QRICH2: variants seen among roughly 807,000 people sequenced by gnomAD.
QRICH2 encodes glutamine rich 2.
QRICH2 carries 119 observed loss-of-function variants against 168.3 expected under a neutral mutation model. That is an observed-to-expected ratio of 0.71 (90% CI 0.61 to 0.82). QRICH2 has a LOEUF of 0.82. Ranked by LOEUF, QRICH2 falls within the 40% of genes least tolerant of loss-of-function variation. QRICH2 has a pLI of 0.00. For synonymous variants in QRICH2, 894 were observed against 951.2 expected (o/e 0.94, Z 1.11); for missense variants, 2,241 against 2,491.6 (o/e 0.90, Z 2.14).
chr17:76,290,848 C>A (rs1247242719), intron 4 of QRICH2, among the ~76,000 whole-genome samples, 167 bp downstream of exon 4: 1 of 152,160 alleles, frequency 6.6e-6, no homozygotes, highest in Admixed American at 6.6e-5. Flanking sequence ...TTTGCCCACC[C>A]ATTTTTTTGG....
At position 76,275,861 on chromosome 17, in the gene QRICH2, A is replaced by C. The variant is rs772995903; in HGVS notation, c.5440T>G (p.Ser1814Ala). The change falls in exon 18 of 19, where the codon TCT becomes GCT. Residue 1814 changes from serine (S) to alanine (A), a missense_variant. This residue lies in a region of QRICH2 where 189 missense variants were observed against 169.3 expected (regional missense o/e 1.12). Transcript: ENST00000680821. ...GAAATCTGGGCGCTCTGTGGCCGAG[A>C]GGGCAGCTGGCCATTGCTGCTGAGG... ...PSLSSNGQLPSRPQSAQISAG... is the reference protein window; with the variant it reads ...PSLSSNGQLPARPQSAQISAG... The C allele has an allele frequency of 6.2e-7, 1 of 1,608,048 alleles. No homozygotes were observed. The highest frequency in any genetic ancestry group is 8.5e-7 in the Non-Finnish European group (1 of 1,179,920).
intron 3 of QRICH2, among the ~76,000 whole-genome samples, chr17:76,294,377 C>T (rs769982160): frequency 4.0e-5 from 6 of 151,632 alleles, no homozygotes; most frequent in Non-Finnish European, 7.4e-5. Context: ...TGAGATTGTG[C>T]CATTGTGCTC....
In QRICH2 at chr17:76,292,719, T is replaced by C. The variant is rs1243472065; in HGVS notation, c.2008A>G (p.Met670Val). The change falls in exon 4 of 19, where the codon ATG (methionine) becomes GTG (valine). Residue 670 changes from methionine to valine, a missense_variant. Met to Val is a conservative substitution (Grantham distance 21, BLOSUM62 1). This residue lies in a region of QRICH2 where 2,047 missense variants were observed against 2,303.8 expected (regional missense o/e 0.89). Transcript: ENST00000680821. ...CGCTGAAATCTGCCAGGTTGGACCA[T>C]GCCAGGCTGATCTACACCAGGCTGT... ...LVQPGVDQPG[M>V]VQPGRFQRAL... is the part of the protein sequence containing the mutation. 1 of 1,560,342 alleles carries C rather than the reference T, an allele frequency of 6.4e-7. No homozygotes were observed. Among genetic ancestry groups the C allele is most frequent in the Admixed American group, 1.8e-5 (1 of 54,256 alleles).
Position 76,308,179 on chromosome 17 carries a change from G to A in QRICH2, c.-181C>T, listed in dbSNP as rs960479286. On this transcript the variant is annotated 5_prime_UTR_variant, in exon 1 of 19. Coordinates refer to ENST00000680821, the MANE Select transcript of QRICH2 (RefSeq NM_001388453.1). ...CAGGGAATCTGCGCCTCCGCTCCCC[G>A]GCGGGGTCCGCGATGGCCACCCCTC... The A allele has an allele frequency of 4.1e-6, 4 of 985,420 alleles. No homozygotes were observed. Among genetic ancestry groups the A allele is most frequent in the Admixed American group, 6.1e-5 (1 of 16,292 alleles). 61.0% of individuals were successfully genotyped at this position (985,420 alleles called of 1,614,324 possible). A position where few individuals can be genotyped will look rare whatever the true frequency, so the allele number is the denominator to read the frequency against.
Position 76,291,409 on chromosome 17 carries a change from A to C in QRICH2, c.3318T>G (p.His1106Gln). Residue 1106 changes from histidine (H) to glutamine (Q), a missense_variant, in exon 4 of 19, where the codon CAT becomes CAG. Transcript: ENST00000680821. ...HGHAFSLFDS[H>Q]DSMYPGYRGP... Reference sequence around the variant, plus strand: ...CACGATAACCAGGATACATTGAATCATGACTGTCAAAGAGAGAGAAAGCAT... The same window carrying C: ...CACGATAACCAGGATACATTGAATCCTGACTGTCAAAGAGAGAGAAAGCAT... The C allele has an allele frequency of 6.2e-7, 1 of 1,614,098 alleles. No homozygotes were observed. The highest frequency in any genetic ancestry group is 8.5e-7 in the Non-Finnish European group (1 of 1,180,010).
intron 13 of QRICH2, 109 bp downstream of exon 13, chr17:76,279,254 G>A: frequency 7.5e-7 from 1 of 1,334,012 alleles, no homozygotes; most frequent in Non-Finnish European, 1.1e-6. Context: ...AGGGAGCGAG[G>A]GCTGGAAGCA....
Position 76,274,080 on chromosome 17 carries a change from C to A in QRICH2, c.5663G>T (p.Ter1888LeuextTer4). The change falls in exon 19 of 19, where the codon TGA (stop) becomes TTA (leucine). Residue 1888 changes from the stop codon to leucine, a stop_lost. Coordinates refer to ENST00000680821, the MANE Select transcript of QRICH2 (RefSeq NM_001388453.1). ...TRGPRSSTAQ[*>L] is the part of the protein sequence containing the mutation. The stretch of plus-strand genomic sequence containing the variant: ...CTGAATGTTTATTTACACCTCCGCT[C>A]ACTGAGCGGTGCTGGACCGCGGCCC... The A allele has an allele frequency of 6.5e-7, 1 of 1,549,484 alleles. No homozygotes were observed. Among genetic ancestry groups the A allele is most frequent in the Admixed American group, 2.1e-5 (1 of 47,864 alleles).
chr17:76,280,557 A>G lies in QRICH2; in HGVS notation c.4461+97T>C. On this transcript the variant is annotated intron_variant, in intron 10 of 18. Coordinates refer to ENST00000680821, the MANE Select transcript of QRICH2 (RefSeq NM_001388453.1). This position sits in a 1 kb window ranked among gnomAD's most constrained non-coding sequence, Gnocchi z 7.4. ...TCACCAGGCAGGTTTCTGAGAGCCCACACTCGTCTCGCCAGCTCCCCTCCA... is the reference window on the plus strand; with the variant it reads ...TCACCAGGCAGGTTTCTGAGAGCCCGCACTCGTCTCGCCAGCTCCCCTCCA... 6.3e-7 allele frequency: 1 copy of G among 1,594,916 alleles called. No individual in the cohort carries two copies. The highest frequency in any genetic ancestry group is 2.2e-5 in the East Asian group (1 of 44,746).
chr17:76,277,135 C>T, intron 16 of QRICH2, 28 bp downstream of exon 16: 1 of 1,524,526 alleles, frequency 6.6e-7, no homozygotes, highest in Non-Finnish European at 8.8e-7. Context: ...GGGCCTCCCT[C>T]CCTGGTGGCT....
rs771282472 is a variant in QRICH2 at position 76,292,395 on chromosome 17, G to C, written c.2332C>G (p.Gln778Glu). The change falls in exon 4 of 19, where the codon CAG (glutamine) becomes GAG (glutamate). Residue 778 changes from glutamine to glutamate, a missense_variant. Physicochemically the swap from Gln to Glu is conservative, Grantham distance 29 (BLOSUM62 2). Around this residue, in one of 3 missense-constraint regions of QRICH2, gnomAD observed 2,047 missense variants for 2,303.8 expected, o/e 0.89. Coordinates refer to ENST00000680821, the MANE Select transcript of QRICH2 (RefSeq NM_001388453.1). ...QHGLVQPGVD[Q>E]HGLAQPGEVQ... is the part of the protein sequence containing the mutation. ...TCACCAGGTTGTGCCAAACCATGCT[G>C]ATCCACTCCAGGTTGGACCAAACCA... 6.2e-7 allele frequency: 1 copy of C among 1,611,846 alleles called. No homozygotes were observed.
At position 76,293,880 on chromosome 17, in the gene QRICH2, G is replaced by T. The variant is rs536269106; in HGVS notation, c.847C>A (p.Arg283=). ...GTGCCACCAGATCCTGATGCAGTCC[G>T]ATCCGGGCCAAGACCACTGGCAGAA... The part of the protein sequence containing the change: ...LDSASGLGPD[R]TASGSGGTAH... Residue 283 remains arginine, a synonymous_variant, in exon 4 of 19, where the codon CGG becomes AGG. Coordinates refer to ENST00000680821, the MANE Select transcript of QRICH2 (RefSeq NM_001388453.1). The T allele has an allele frequency of 1.9e-5, 30 of 1,614,136 alleles. No individual in the cohort carries two copies. The African/African-American group carries it at 4.0e-4, about 22-fold the overall frequency.
In QRICH2 at chr17:76,307,430, A is replaced by C; in HGVS notation, c.534+35T>G. 1 of 1,610,946 alleles carries C rather than the reference A, an allele frequency of 6.2e-7. No individual in the cohort carries two copies. Among genetic ancestry groups the C allele is most frequent in the Non-Finnish European group, 8.5e-7 (1 of 1,177,918 alleles). Reference sequence around the variant, plus strand: ...GCCTGGAGGGCGGCCTGGAGGAGGCAGACGGCCTGCGCGTGCCTCCGTGTG... The same window carrying C: ...GCCTGGAGGGCGGCCTGGAGGAGGCCGACGGCCTGCGCGTGCCTCCGTGTG... On this transcript the variant is annotated intron_variant, in intron 1 of 18. Transcript: ENST00000680821. This position sits in a 1 kb window ranked among gnomAD's most constrained non-coding sequence, Gnocchi z 5.3.
upstream of QRICH2, chr17:76,308,629 T>C (rs1219403800): frequency 1.2e-5 from 4 of 343,258 alleles, no homozygotes; most frequent in Non-Finnish European, 1.2e-5. Context: ...GTCCACATAT[T>C]TTGTTCAATC....
In QRICH2 at chr17:76,278,091, A is replaced by G. The variant is rs1201979066; in HGVS notation, c.5015T>C (p.Ile1672Thr). 1.2e-6 allele frequency: 2 copies of G among 1,613,880 alleles called. No homozygotes were observed. The highest frequency in any genetic ancestry group is 1.7e-5 in the Admixed American group (1 of 60,030). The change falls in exon 15 of 19, where the codon ATT becomes ACT. Residue 1672 changes from isoleucine (I) to threonine (T), a missense_variant. Ile to Thr is a moderately conservative substitution (Grantham distance 89). Around this residue, in one of 3 missense-constraint regions of QRICH2, gnomAD observed 2,047 missense variants for 2,303.8 expected, o/e 0.89. Coordinates refer to ENST00000680821, the MANE Select transcript of QRICH2 (RefSeq NM_001388453.1). ...CCCGAAGTGGATCTGCACCTTCTCAATGTTCATCAGCATCTTGGAGTGCAT... is the reference window on the plus strand; with the variant it reads ...CCCGAAGTGGATCTGCACCTTCTCAGTGTTCATCAGCATCTTGGAGTGCAT... ...RSMHSKMLMNIEKVQIHFGGS... is the reference protein window; with the variant it reads ...RSMHSKMLMNTEKVQIHFGGS...
rs2071009194 is a variant in QRICH2 at position 76,307,521 on chromosome 17, T to C, written c.478A>G (p.Arg160Gly). The C allele has an allele frequency of 3.1e-6, 5 of 1,611,904 alleles. No homozygotes were observed. In the South Asian group the frequency reaches 5.5e-5, roughly 18 times the overall value. ...EQEVGVRAFDRVRTGSIMKDA... is the reference protein window; with the variant it reads ...EQEVGVRAFDGVRTGSIMKDA... ...TTCATGATACTCCCAGTCCGCACCC[T>C]ATCGAACGCCCGCACGCCCACCTCC... The change falls in exon 1 of 19, where the codon AGG (arginine) becomes GGG (glycine). Residue 160 changes from arginine to glycine, a missense_variant. Physicochemically the swap from Arg to Gly is moderately radical, Grantham distance 125. Around this residue, in one of 3 missense-constraint regions of QRICH2, gnomAD observed 2,047 missense variants for 2,303.8 expected, o/e 0.89. Transcript: ENST00000680821. This position sits in a 1 kb window ranked among gnomAD's most constrained non-coding sequence, Gnocchi z 5.3.
intron 3 of QRICH2, chr17:76,301,626 A>C (rs2070900672): frequency 6.5e-6 from 1 of 154,574 alleles, no homozygotes; most frequent in African/African-American, 2.4e-5. Flanking sequence ...TAAGATGGAC[A>C]TCCTGCCCCG....
intron 3 of QRICH2, among the ~76,000 whole-genome samples, chr17:76,302,101 G>A (rs1053300527): frequency 6.6e-6 from 1 of 152,074 alleles, no homozygotes; most frequent in Non-Finnish European, 1.5e-5. Context: ...GTTTCACCAT[G>A]TTGGCCAGGC....
In QRICH2 at chr17:76,275,728, C is replaced by T. The variant is rs565924900; in HGVS notation, c.5482+91G>A. On this transcript the variant is annotated intron_variant, in intron 18 of 18. Coordinates refer to ENST00000680821, the MANE Select transcript of QRICH2 (RefSeq NM_001388453.1). Reference sequence around the variant, plus strand: ...TTCGGCTCCCAGGCCCTCCCCTCTCCGGGGAGATAAAGGCCCTACATGAGC... The same window carrying T: ...TTCGGCTCCCAGGCCCTCCCCTCTCTGGGGAGATAAAGGCCCTACATGAGC... The T allele has an allele frequency of 2.6e-3, 3,859 of 1,477,434 alleles. 8 individuals carry two copies. The highest frequency in any genetic ancestry group is 3.3e-3 in the Non-Finnish European group (3,664 of 1,105,750). 91.5% of individuals were successfully genotyped at this position (1,477,434 alleles called of 1,614,324 possible).
Position 76,279,409 on chromosome 17 carries a change from G to A in QRICH2, c.4768C>T (p.His1590Tyr). 5 of 1,612,532 alleles carry A rather than the reference G, an allele frequency of 3.1e-6. No homozygotes were observed. The highest frequency in any genetic ancestry group is 1.1e-5 in the South Asian group (1 of 90,712). Residue 1590 changes from histidine to tyrosine, a missense_variant, in exon 13 of 19, where the codon CAC (histidine) becomes TAC (tyrosine). This residue lies in a region of QRICH2 where 2,047 missense variants were observed against 2,303.8 expected (regional missense o/e 0.89). Coordinates refer to ENST00000680821, the MANE Select transcript of QRICH2 (RefSeq NM_001388453.1). ...AAGGGCCGGTCACATGAGAGGCAGT[G>A]GAAATGTGCCAGGAGCTGCCTGTTA... ...AMRRQLLAHF[H>Y]CLSCDRPLET...
Sources: gnomAD v4.1 joint callset for allele counts (sites outside exome capture counted in the v4.1 genomes callset) on GRCh38, gnomAD v4.1.1 for gene constraint, gnomAD v4.1.1 regional missense constraint, Gnocchi (gnomAD v3.1) non-coding constraint, MANE v1.5 for transcripts, NCBI Gene and HGNC (gene_info 2026-07-23, HGNC 2026-07-21) for gene names.